ETV1: variants seen among roughly 807,000 people sequenced by gnomAD.
ETV1 encodes ETS variant transcription factor 1.
In ETV1, 27 loss-of-function variants were observed where a neutral mutation model predicts 62.3. That is an observed-to-expected ratio of 0.43 (90% CI 0.32 to 0.60). The LOEUF (loss-of-function observed/expected upper bound fraction) is 0.60, where lower values mean the gene tolerates loss of function less well. ETV1 is among the 20% of genes least tolerant of loss of function. ETV1 has a pLI of 0.06. For synonymous variants in ETV1, 222 were observed against 199.6 expected (o/e 1.11, Z -0.94); for missense variants, 605 against 605.8 (o/e 1.00, Z 0.01).
chr7:13,949,086 CT>C (rs1255408755), intron 6 of ETV1, among the ~76,000 whole-genome samples: 2 of 151,542 alleles, frequency 1.3e-5, no homozygotes, highest in Non-Finnish European at 2.9e-5. Context: ...AAAAATATAA[CT>C]GAAAAAGTCA....
At chr7:13,910,561 G>A (rs1416135173) in intron 10 of ETV1, 3 of 478,242 alleles carry the variant, frequency 6.3e-6, no homozygotes, top group Non-Finnish European at 8.2e-6. Context: ...ACCAATATTA[G>A]ACCTAGCCTA....
Position 13,894,129 on chromosome 7 carries a change from G to C in ETV1, c.*1737C>G. 1 of 231,476 alleles carries C rather than the reference G, an allele frequency of 4.3e-6. No homozygotes were observed. Among genetic ancestry groups the C allele is most frequent in the Admixed American group, 5.7e-5 (1 of 17,642 alleles). 14.3% of individuals were successfully genotyped at this position (231,476 alleles called of 1,614,324 possible). On this transcript the variant is annotated 3_prime_UTR_variant, in exon 14 of 14. Transcript: ENST00000430479. The stretch of plus-strand genomic sequence containing the variant: ...CTCATCACGAAATGCTTTTACAATA[G>C]GTTTATTTTGACTTTGTGTTTAGAA...
chr7:13,932,884 G>A (rs1786357041), intron 8 of ETV1, among the ~76,000 whole-genome samples: 1 of 152,082 alleles, frequency 6.6e-6, no homozygotes, highest in Non-Finnish European at 1.5e-5. Context: ...CTAAAGAATG[G>A]CAAAGCGATT....
chr7:13,974,443 T>C (rs1781206190), intron 6 of ETV1, among the ~76,000 whole-genome samples: 1 of 152,116 alleles, frequency 6.6e-6, no homozygotes, highest in African/African-American at 2.4e-5. Context: ...TGCAGACAGT[T>C]TAAGAAGAAA....
At chr7:13,926,728 G>A (rs1785467423) in intron 9 of ETV1, among the ~76,000 whole-genome samples, 1 of 151,966 alleles carries the variant, frequency 6.6e-6, no homozygotes, top group South Asian at 2.1e-4. Context: ...AATAATAGAT[G>A]GATTGGATTG....
intron 7 of ETV1, among the ~76,000 whole-genome samples, chr7:13,937,247 C>T (rs1396279246): frequency 1.3e-5 from 2 of 152,156 alleles, no homozygotes; most frequent in Non-Finnish European, 2.9e-5. Flanking sequence ...AAAGCAAAGT[C>T]AACAGTGTTC....
At chr7:13,943,702 T>G (rs1787819984) in intron 6 of ETV1, among the ~76,000 whole-genome samples, 1 of 152,032 alleles carries the variant, frequency 6.6e-6, no homozygotes. Flanking sequence ...ACAAATTACA[T>G]GCAAAAACAG....
chr7:13,894,714 A>T lies in ETV1; in HGVS notation c.*1152T>A, dbSNP rs1297680263. The T allele has an allele frequency of 1.3e-5, 3 of 232,548 alleles. No individual in the cohort carries two copies. The highest frequency in any genetic ancestry group is 2.6e-5 in the Non-Finnish European group (3 of 117,428). The allele number at this position is 232,548 out of a possible 1,614,324, so 14.4% of individuals were successfully genotyped here. A position where few individuals can be genotyped will look rare whatever the true frequency, so the allele number is the denominator to read the frequency against. ...AACTGCACTGCTTATAAATGGTCATAGTAAATTCAGCATGAAAGAGAATAT... is the reference window on the plus strand; with the variant it reads ...AACTGCACTGCTTATAAATGGTCATTGTAAATTCAGCATGAAAGAGAATAT... On this transcript the variant is annotated 3_prime_UTR_variant, in exon 14 of 14. Transcript: ENST00000430479.
intron 9 of ETV1, among the ~76,000 whole-genome samples, chr7:13,923,163 A>T (rs1430397950): frequency 1.3e-5 from 2 of 152,128 alleles, no homozygotes; most frequent in Non-Finnish European, 2.9e-5. Flanking sequence ...AACACTACAC[A>T]TTTATATTTT....
chr7:13,962,801 T>C (rs993102231), intron 6 of ETV1, among the ~76,000 whole-genome samples: 1 of 152,188 alleles, frequency 6.6e-6, no homozygotes, highest in Non-Finnish European at 1.5e-5. Flanking sequence ...CATTATGTTA[T>C]AAATTAGAAT....
In ETV1 at chr7:13,891,340, A is replaced by G. The variant is rs1250282550; in HGVS notation, c.*4526T>C. The G allele has an allele frequency of 8.7e-6, 2 of 231,110 alleles. No homozygotes were observed. The highest frequency in any genetic ancestry group is 4.4e-5 in the African/African-American group (2 of 45,236). The allele number at this position is 231,110 out of a possible 1,614,324, so 14.3% of individuals were successfully genotyped here. A position where few individuals can be genotyped will look rare whatever the true frequency, so the allele number is the denominator to read the frequency against. ...AAACCGTAAGTATAATTTTAATACA[A>G]CCAAGTGAATTAAAAATTTTCTTCC... On this transcript the variant is annotated 3_prime_UTR_variant, in exon 14 of 14. Coordinates refer to ENST00000430479, the MANE Select transcript of ETV1 (RefSeq NM_004956.5).
chr7:13,971,034 C>T (rs1384787643), intron 6 of ETV1, among the ~76,000 whole-genome samples: 3 of 152,040 alleles, frequency 2.0e-5, no homozygotes, highest in East Asian at 1.9e-4. Context: ...TGCGATGGCA[C>T]GATCTTGGCT....
chr7:13,956,312 G>A (rs796818774), intron 6 of ETV1, among the ~76,000 whole-genome samples: 23 of 150,250 alleles, frequency 1.5e-4, no homozygotes, highest in African/African-American at 5.6e-4. Context: ...CCAGCTGCTA[G>A]TTCACAGGAT....
chr7:13,892,071 C>G lies in ETV1; in HGVS notation c.*3795G>C, dbSNP rs1251298312. The G allele has an allele frequency of 4.3e-6, 1 of 232,092 alleles. No homozygotes were observed. The highest frequency in any genetic ancestry group is 2.2e-5 in the African/African-American group (1 of 45,276). 14.4% of individuals were successfully genotyped at this position (232,092 alleles called of 1,614,324 possible). A position where few individuals can be genotyped will look rare whatever the true frequency, so the allele number is the denominator to read the frequency against. ...CTGGTTATATAAAGATAAGTTGACT[C>G]ATTTTGCAATTGTTCTTTTGAGTAA... On this transcript the variant is annotated 3_prime_UTR_variant, in exon 14 of 14. Coordinates refer to ENST00000430479, the MANE Select transcript of ETV1 (RefSeq NM_004956.5).
At chr7:13,902,931 T>G (rs1213121496) in intron 12 of ETV1, among the ~76,000 whole-genome samples, 1 of 152,222 alleles carries the variant, frequency 6.6e-6, no homozygotes, top group Non-Finnish European at 1.5e-5. Context: ...AGAGTTGTTT[T>G]AGTGTCATAT....
intron 6 of ETV1, among the ~76,000 whole-genome samples, chr7:13,975,294 C>T (rs1318631156): frequency 1.3e-5 from 2 of 151,948 alleles, no homozygotes; most frequent in East Asian, 1.9e-4. Context: ...CACCTGTGAT[C>T]CCAGCACTTT....
chr7:13,923,602 C>T (rs1164742152), intron 9 of ETV1, among the ~76,000 whole-genome samples: 3 of 151,982 alleles, frequency 2.0e-5, no homozygotes, highest in Non-Finnish European at 4.4e-5. Flanking sequence ...CATAATTTTT[C>T]GATGTGCTAA....
intron 9 of ETV1, among the ~76,000 whole-genome samples, chr7:13,916,113 C>T (rs372733859): frequency 3.7e-4 from 56 of 152,180 alleles, no homozygotes; most frequent in African/African-American, 1.3e-3. Flanking sequence ...GAAATCCTGA[C>T]AAGGGAGTGA....
chr7:13,912,421 G>T (rs1783655668), intron 9 of ETV1, among the ~76,000 whole-genome samples: 1 of 151,946 alleles, frequency 6.6e-6, no homozygotes, highest in Admixed American at 6.6e-5. Context: ...CTATTCAAAT[G>T]GCTGATTTGT....
Sources: gnomAD v4.1 joint callset for allele counts (sites outside exome capture counted in the v4.1 genomes callset) on GRCh38, gnomAD v4.1.1 for gene constraint, MANE v1.5 for transcripts, NCBI Gene and HGNC (gene_info 2026-07-23, HGNC 2026-07-21) for gene names.